The following SLC48A1 variants were observed in gnomAD, a reference collection of about 807,000 sequenced individuals.
SLC48A1 encodes the protein heme transporter HRG1.
SLC48A1 carries 6 observed loss-of-function variants against 14.8 expected under a neutral mutation model. The ratio of observed to expected loss-of-function variants is 0.41; its 90% CI spans 0.22 to 0.80. The LOEUF is 0.80. Ranked by LOEUF, SLC48A1 falls within the 30% of genes least tolerant of loss-of-function variation. SLC48A1 has a pLI of 0.34. For missense variants in SLC48A1, 165 were observed against 204.8 expected (o/e 0.81, Z 1.19); for synonymous variants, 89 against 90.0 (o/e 0.99, Z 0.06).
At chr12:47,760,177 C>A in intron 1 of SLC48A1, 1 of 979,332 alleles carries the variant, frequency 1.0e-6, no homozygotes, top group Non-Finnish European at 1.2e-6. Flanking sequence ...ATCCTATTGG[C>A]ATGAAATGGA....
intron 1 of SLC48A1, among the ~76,000 whole-genome samples, chr12:47,775,358 G>A (rs889497789): frequency 2.6e-5 from 4 of 152,230 alleles, no homozygotes; most frequent in Non-Finnish European, 5.9e-5. Flanking sequence ...TTCAGAGAGA[G>A]GCGCTAGGGC....
chr12:47,776,418 T>A (rs1942754562), intron 1 of SLC48A1, among the ~76,000 whole-genome samples: 1 of 152,150 alleles, frequency 6.6e-6, no homozygotes. Context: ...TCCCCAAGTG[T>A]GCCAGGGAAG....
intron 1 of SLC48A1, among the ~76,000 whole-genome samples, chr12:47,775,111 A>G (rs946594676): frequency 3.9e-5 from 6 of 152,088 alleles, no homozygotes; most frequent in African/African-American, 1.2e-4. Flanking sequence ...CAGTTTCCTC[A>G]TCTATTAGGA....
intron 1 of SLC48A1, among the ~76,000 whole-genome samples, chr12:47,775,629 G>A (rs7136720): frequency 2.0e-5 from 3 of 152,076 alleles, no homozygotes; most frequent in Non-Finnish European, 4.4e-5. Context: ...ATTAACTAAC[G>A]TGTGAGCACC....
At chr12:47,765,499 G>T (rs1028892831) in intron 2 of SLC48A1, among the ~76,000 whole-genome samples, 1 of 152,256 alleles carries the variant, frequency 6.6e-6, no homozygotes, top group African/African-American at 2.4e-5. Context: ...ACCGAATCCT[G>T]ACTTAATCTC....
At position 47,780,263 on chromosome 12, in the gene SLC48A1, C is replaced by T; in HGVS notation, c.423C>T (p.Ser141=). ...HRYRADFADI[S]ILSDF is the part of the protein sequence containing the mutation. ...ACCGGGCTGACTTTGCTGACATCAG[C>T]ATCCTCAGCGATTTCTGACCCAGGG... Residue 141 remains serine (S), a synonymous_variant, in exon 3 of 3, where the codon AGC becomes AGT. Transcript: ENST00000442218. 1 of 1,614,256 alleles carries T rather than the reference C, an allele frequency of 6.2e-7. No individual in the cohort carries two copies. The highest frequency in any genetic ancestry group is 8.5e-7 in the Non-Finnish European group (1 of 1,180,044).
chr12:47,763,586 A>G (rs976904445), intron 2 of SLC48A1, among the ~76,000 whole-genome samples: 2 of 152,108 alleles, frequency 1.3e-5, no homozygotes, highest in African/African-American at 4.8e-5. Flanking sequence ...CCCCCGCTCC[A>G]TCCCCCAAGG....
chr12:47,757,610 C>T (rs1225914580), upstream of SLC48A1, among the ~76,000 whole-genome samples: 2 of 152,172 alleles, frequency 1.3e-5, no homozygotes, highest in Non-Finnish European at 2.9e-5. Context: ...AGATAAACAA[C>T]AAATCCCTTT....
Position 47,779,018 on chromosome 12 carries a change from T to A in SLC48A1, c.137-10T>A, listed in dbSNP as rs1210868894. The A allele has an allele frequency of 1.3e-6, 2 of 1,551,024 alleles. No homozygotes were observed. Among genetic ancestry groups the A allele is most frequent in the East Asian group, 2.4e-5 (1 of 40,924 alleles). ...CCCTGGGGATGGGCCCTGATGTGTC[T>A]CTCCTGCAGGGGTGCTGGCACTGTG... is the stretch of plus-strand genomic sequence containing the variant. On this transcript the variant is annotated splice_polypyrimidine_tract_variant and intron_variant, in intron 1 of 2. Coordinates refer to ENST00000442218, the MANE Select transcript of SLC48A1 (RefSeq NM_017842.3).
chr12:47,769,626 AAACAAT>A (rs1942586533), upstream of SLC48A1: 1 of 152,236 alleles, frequency 6.6e-6, no homozygotes, highest in Non-Finnish European at 1.5e-5. Flanking sequence ...TGTTCAATAA[AAACAAT>A]AACAATTTCA....
upstream of SLC48A1, among the ~76,000 whole-genome samples, chr12:47,770,213 A>G (rs1224216518): frequency 6.6e-6 from 1 of 152,262 alleles, no homozygotes; most frequent in Non-Finnish European, 1.5e-5. Context: ...TACTACTGTT[A>G]CATAATTATT....
rs1056391208 is a variant in SLC48A1 at position 47,773,447 on chromosome 12, C to T, written c.136+7C>T. On this transcript the variant is annotated splice_region_variant and intron_variant, in intron 1 of 2. Coordinates refer to ENST00000442218, the MANE Select transcript of SLC48A1 (RefSeq NM_017842.3). ...GCCATGGGAGGGCTCGCAGGTACCC[C>T]GGGACGCTGGGCGGCGCGGGGCGGG... 6.6e-6 allele frequency: 9 copies of T among 1,371,334 alleles called. No individual in the cohort carries two copies. Among genetic ancestry groups the T allele is most frequent in the Non-Finnish European group, 4.7e-6 (5 of 1,055,026 alleles). The allele number at this position is 1,371,334 out of a possible 1,614,324, so 84.9% of individuals were successfully genotyped here. A position where few individuals can be genotyped will look rare whatever the true frequency, so the allele number is the denominator to read the frequency against.
chr12:47,777,394 A>G lies in SLC48A1; in HGVS notation c.137-1634A>G, dbSNP rs769190102. ...TCAAACGGTGGCAGGGGCTGAGGGA[A>G]GCTGTAGGCTTGGTAGGCCTTCACC... On this transcript the variant is annotated intron_variant, in intron 1 of 2. Coordinates refer to ENST00000442218, the MANE Select transcript of SLC48A1 (RefSeq NM_017842.3). The surrounding 1 kb of genome is among the most constrained non-coding windows in gnomAD (Gnocchi z 4.5). Among the ~76,000 whole-genome samples, 9 of 152,152 alleles carry G rather than the reference A, an allele frequency of 5.9e-5. No homozygotes were observed. The highest frequency in any genetic ancestry group is 1.2e-4 in the Non-Finnish European group (8 of 68,010).
At chr12:47,757,980 C>T (rs747152036), upstream of SLC48A1, 1 of 1,567,918 alleles carries the variant, frequency 6.4e-7, no homozygotes, top group South Asian at 1.2e-5. Flanking sequence ...TCCCCTCCGG[C>T]ACCACGTCAG....
At chr12:47,774,848 T>C (rs1320640437) in intron 1 of SLC48A1, among the ~76,000 whole-genome samples, 1 of 152,106 alleles carries the variant, frequency 6.6e-6, no homozygotes, top group African/African-American at 2.4e-5. Flanking sequence ...CTAGTTCCTT[T>C]CCCCACTGCA....
chr12:47,767,703 C>T (rs181487995), upstream of SLC48A1, among the ~76,000 whole-genome samples: 1 of 152,322 alleles, frequency 6.6e-6, no homozygotes, highest in Admixed American at 6.5e-5. Flanking sequence ...GAGGAGGTAA[C>T]ATTTGAGCTG....
At chr12:47,766,699 T>A (rs1395411208), upstream of SLC48A1, among the ~76,000 whole-genome samples, 1 of 151,680 alleles carries the variant, frequency 6.6e-6, no homozygotes, top group Non-Finnish European at 1.5e-5. Flanking sequence ...CTTTCTTAGC[T>A]CCTGAGTTCA....
chr12:47,757,894 C>A (rs762724728), upstream of SLC48A1: 28 of 1,556,022 alleles, frequency 1.8e-5, no homozygotes, highest in Admixed American at 9.7e-5. Context: ...GCAGCTCGGA[C>A]GCTGGTGCTC....
At chr12:47,776,533 C>T (rs1942758587) in intron 1 of SLC48A1, among the ~76,000 whole-genome samples, 1 of 152,182 alleles carries the variant, frequency 6.6e-6, no homozygotes, top group Non-Finnish European at 1.5e-5. Context: ...TGGAGAGCTC[C>T]CTTCCCAGGA....
Sources: allele counts gnomAD v4.1 joint callset (sites outside exome capture counted in the v4.1 genomes callset), GRCh38; gene constraint gnomAD v4.1.1; non-coding constraint Gnocchi (gnomAD v3.1); transcripts MANE v1.5; gene names NCBI Gene and HGNC (gene_info 2026-07-23, HGNC 2026-07-21).